CCDC171: variants seen among roughly 807,000 people sequenced by gnomAD.
The protein encoded by CCDC171 is coiled-coil domain containing 171, also known as coiled-coil domain-containing protein 171.
A neutral mutation model predicts 168.2 loss-of-function variants in CCDC171; 177 were observed. That is an observed-to-expected ratio of 1.05 (90% CI 0.93 to 1.19). The LOEUF (loss-of-function observed/expected upper bound fraction) is 1.19, where lower values mean the gene tolerates loss of function less well. Ranked by LOEUF, CCDC171 falls within the 50% of genes most tolerant of loss-of-function variation. The pLI is 0.00. For synonymous variants in CCDC171, 687 were observed against 540.8 expected, an observed-to-expected ratio of 1.27 and a Z score of -3.75; for missense variants, 1,991 against 1,539.0, an observed-to-expected ratio of 1.29 and a Z score of -4.91.
chr9:15,659,582 C>G (rs994161522), intron 8 of CCDC171, among the ~76,000 whole-genome samples: 5 of 152,104 alleles, frequency 3.3e-5, no homozygotes, highest in Non-Finnish European at 5.9e-5. Context: ...TCAGTTATTA[C>G]ATTTGAGCAC....
intron 1 of CCDC171, among the ~76,000 whole-genome samples, chr9:16,046,735 G>A (rs1012170664): frequency 6.6e-6 from 1 of 152,140 alleles, no homozygotes; most frequent in Non-Finnish European, 1.5e-5. Context: ...TCTTGCTTGT[G>A]TGCCGCCATG....
intron 7 of CCDC171, among the ~76,000 whole-genome samples, chr9:15,651,262 C>G (rs781437435): frequency 6.6e-6 from 1 of 152,038 alleles, no homozygotes; most frequent in African/African-American, 2.4e-5. Context: ...GTGCCCGCTA[C>G]GACACCTAGC....
chr9:16,028,441 T>C (rs550760351), intron 6 of CCDC171, among the ~76,000 whole-genome samples: 4 of 152,256 alleles, frequency 2.6e-5, no homozygotes, highest in African/African-American at 9.6e-5. Context: ...ACAGATAAAG[T>C]CTAGTACAAA....
intron 6 of CCDC171, among the ~76,000 whole-genome samples, chr9:16,028,567 T>G (rs915344422): frequency 4.6e-5 from 7 of 152,180 alleles, no homozygotes; most frequent in African/African-American, 1.7e-4. Flanking sequence ...ATCCTGCACT[T>G]TTGTTAAGTC....
At chr9:15,732,723 C>T (rs2054229770) in intron 16 of CCDC171, among the ~76,000 whole-genome samples, 1 of 151,982 alleles carries the variant, frequency 6.6e-6, no homozygotes, top group African/African-American at 2.4e-5. Context: ...TTAGTTTTGG[C>T]AATTATGAGT....
chr9:15,560,749 C>CT (rs1223518022), intron 1 of CCDC171, among the ~76,000 whole-genome samples: 4 of 152,148 alleles, frequency 2.6e-5, no homozygotes, highest in African/African-American at 7.2e-5. Flanking sequence ...CAAAGTCATT[C>CT]CCAGTCCAGC....
Position 15,941,483 on chromosome 9 carries a change from A to C in CCDC171, c.3753+21061A>C, listed in dbSNP as rs150653933. Among the ~76,000 whole-genome samples, 1,017 of 152,130 alleles carry C rather than the reference A, an allele frequency of 6.7e-3. 12 individuals are homozygous for C. The highest frequency in any genetic ancestry group is 0.027 in the Middle Eastern group (8 of 294). On this transcript the variant is annotated intron_variant, in intron 25 of 25. Coordinates refer to ENST00000380701, the MANE Select transcript of CCDC171 (RefSeq NM_173550.4). ...AAAAAAAACACTGAGTTTGAAATTCAGTGATAATAAGGAATCTTAAAAAAG... is the reference window on the plus strand; with the variant it reads ...AAAAAAAACACTGAGTTTGAAATTCCGTGATAATAAGGAATCTTAAAAAAG...
intron 21 of CCDC171, among the ~76,000 whole-genome samples, chr9:15,814,473 A>G (rs994225121): frequency 2.6e-5 from 4 of 152,196 alleles, no homozygotes; most frequent in African/African-American, 9.6e-5. Flanking sequence ...ATAGTACAGA[A>G]ACTGTTACTT....
the CCDC171 span, among the ~76,000 whole-genome samples, chr9:16,090,674 C>T: frequency 2.0e-5 from 3 of 152,194 alleles, no homozygotes; most frequent in Non-Finnish European, 2.9e-5. Context: ...CAACTTCTCA[C>T]CATGAAGTTT....
chr9:15,603,138 C>T (rs928616585), intron 6 of CCDC171, among the ~76,000 whole-genome samples: 3 of 151,936 alleles, frequency 2.0e-5, no homozygotes, highest in Middle Eastern at 3.4e-3. Context: ...CCCGTCACCA[C>T]GCCCAGCTAA....
Position 15,691,156 on chromosome 9 carries a change from G to A in CCDC171, c.1216-4079G>A, listed in dbSNP as rs559279284. Among the ~76,000 whole-genome samples, 5 of 152,082 alleles carry A rather than the reference G, an allele frequency of 3.3e-5. No individual in the cohort carries two copies. The South Asian group carries it at 1.0e-3, about 32-fold the overall frequency. On this transcript the variant is annotated intron_variant, in intron 10 of 25. Coordinates refer to ENST00000380701, the MANE Select transcript of CCDC171 (RefSeq NM_173550.4). ...AACATATGTAAGAATGTATATTGTAGTGTCGTCACTAATAGCAAAAAAAAC... is the reference window on the plus strand; with the variant it reads ...AACATATGTAAGAATGTATATTGTAATGTCGTCACTAATAGCAAAAAAAAC...
intron 3 of CCDC171, among the ~76,000 whole-genome samples, chr9:16,011,126 T>C (rs941731803): frequency 7.2e-5 from 11 of 152,174 alleles, no homozygotes; most frequent in Non-Finnish European, 8.8e-5. Context: ...CACATGCCCC[T>C]TTTCCCTTCC....
chr9:15,786,415 C>G (rs1008727773), intron 21 of CCDC171, among the ~76,000 whole-genome samples: 1 of 152,014 alleles, frequency 6.6e-6, no homozygotes, highest in Non-Finnish European at 1.5e-5. Context: ...CCTGATATAT[C>G]TACCATCAAC....
chr9:15,821,161 A>G (rs2059755431), intron 21 of CCDC171, among the ~76,000 whole-genome samples: 1 of 117,684 alleles, frequency 8.5e-6, no homozygotes, highest in South Asian at 2.8e-4. Context: ...AACTCCCAAT[A>G]AATTAGGTAT....
At chr9:15,951,958 T>C (rs1564058651) in intron 25 of CCDC171, among the ~76,000 whole-genome samples, 1 of 152,180 alleles carries the variant, frequency 6.6e-6, no homozygotes, top group Non-Finnish European at 1.5e-5. Context: ...GTTGTAAAGC[T>C]TTCACCCTGT....
In CCDC171 at chr9:15,864,434, T is replaced by C. The variant is rs372545302; in HGVS notation, c.3469-10098T>C. On this transcript the variant is annotated intron_variant, in intron 23 of 25. Transcript: ENST00000380701. ...ATTAACTTGTCATTTACATTAGGTA[T>C]ATCTCCTAATGCTATCCCTCCCCCC... Among the ~76,000 whole-genome samples, 6 of 152,204 alleles carry C rather than the reference T, an allele frequency of 3.9e-5. No individual in the cohort carries two copies. In the East Asian group the frequency reaches 7.8e-4, roughly 20 times the overall value.
At chr9:15,666,364 A>G (rs1262036513) in intron 9 of CCDC171, 41 bp downstream of exon 9, 4 of 1,377,676 alleles carry the variant, frequency 2.9e-6, no homozygotes, top group Non-Finnish European at 4.0e-6. Flanking sequence ...TAACATAAAG[A>G]TTTTAAAAGA....
chr9:16,059,999 T>G lies in CCDC171; in HGVS notation n.90-647T>G, dbSNP rs536297852. On this transcript the variant is annotated intron_variant and non_coding_transcript_variant, in intron 1 of 1. Coordinates refer to the CCDC171 transcript ENST00000478913. ...TGTGAAAAACAAATAATGAAAAGCA[T>G]ATTTTTAATAAAAAACTGGAAAAAC... 2.0e-5 allele frequency among the ~76,000 whole-genome samples: 3 copies of G among 152,286 alleles called. No homozygotes were observed. In the South Asian group the frequency reaches 6.2e-4, roughly 32 times the overall value.
rs551820201 is a variant in CCDC171, at chr9:15,936,739, C to T, written c.3753+16317C>T. Among the ~76,000 whole-genome samples the T allele has an allele frequency of 2.6e-5, 4 of 152,158 alleles. No individual in the cohort carries two copies. In the East Asian group the frequency reaches 7.8e-4, roughly 30 times the overall value. ...GTCTGGCTTCCAGAAACTGTCCCGTCAAAATGTGCTTCTGATTAGGTGGCT... is the reference window on the plus strand; with the variant it reads ...GTCTGGCTTCCAGAAACTGTCCCGTTAAAATGTGCTTCTGATTAGGTGGCT... On this transcript the variant is annotated intron_variant, in intron 25 of 25. Coordinates refer to ENST00000380701, the MANE Select transcript of CCDC171 (RefSeq NM_173550.4).
Sources: gnomAD v4.1 joint callset for allele counts (sites outside exome capture counted in the v4.1 genomes callset) on GRCh38, gnomAD v4.1.1 for gene constraint, MANE v1.5 for transcripts, NCBI Gene and HGNC (gene_info 2026-07-23, HGNC 2026-07-21) for gene names.